The following HECW1 variants were observed in gnomAD, a reference collection of about 807,000 sequenced individuals.
The protein encoded by HECW1 is E3 ubiquitin-protein ligase HECW1.
Under a neutral mutation model 182.3 loss-of-function variants are expected in HECW1, and 61 were observed. The observed-to-expected ratio is 0.33, with a 90% CI of 0.27 to 0.41. HECW1 has a LOEUF of 0.41. HECW1 is among the 10% of genes least tolerant of loss of function. The pLI is 1.00. For synonymous variants in HECW1, 859 were observed against 832.6 expected (o/e 1.03, Z -0.55); for missense variants, 1,739 against 2,108.9 (o/e 0.82, Z 3.44).
At chr7:43,339,107 G>C (rs991534872) in intron 5 of HECW1, among the ~76,000 whole-genome samples, 1 of 152,042 alleles carries the variant, frequency 6.6e-6, no homozygotes, top group African/African-American at 2.4e-5. Flanking sequence ...CTTTGTCTTT[G>C]GATTTCATCA....
At chr7:43,330,801 G>GAAA (rs756438634) in intron 5 of HECW1, among the ~76,000 whole-genome samples, 10 of 152,092 alleles carry the variant, frequency 6.6e-5, no homozygotes, top group Admixed American at 1.3e-4. Context: ...TGTGTCCCAG[G>GAAA]AAAAAGCTCA....
intron 2 of HECW1, among the ~76,000 whole-genome samples, chr7:43,172,853 G>A (rs926003365): frequency 5.9e-5 from 9 of 152,162 alleles, no homozygotes; most frequent in African/African-American, 2.2e-4. Context: ...GTAGGAGCAG[G>A]CACACTTTTT....
At chr7:43,132,135 G>A (rs1439924990) in intron 2 of HECW1, among the ~76,000 whole-genome samples, 1 of 152,094 alleles carries the variant, frequency 6.6e-6, no homozygotes, top group East Asian at 1.9e-4. Flanking sequence ...TCTGTACTGG[G>A]ACTTTGCATC....
chr7:43,435,646 G>T (rs2076686087), intron 8 of HECW1, among the ~76,000 whole-genome samples: 1 of 152,082 alleles, frequency 6.6e-6, no homozygotes, highest in African/African-American at 2.4e-5. Flanking sequence ...TTTACAGGGG[G>T]AGCTCTTTTT....
At chr7:43,260,857 C>A (rs1276503288) in intron 3 of HECW1, among the ~76,000 whole-genome samples, 1 of 152,112 alleles carries the variant, frequency 6.6e-6, no homozygotes, top group Non-Finnish European at 1.5e-5. Context: ...TGAAAAGGAG[C>A]AAGAATTATT....
chr7:43,173,846 ATT>A lies in HECW1; in HGVS notation c.-32+59468_-32+59469del, dbSNP rs34302457. ...ACCCAGGTGCCTGTTGTTTTAAATG[ATT>A]TTTTTTTTTTTTGGAGACAGGGTAT... On this transcript the variant is annotated intron_variant, in intron 2 of 29. Coordinates refer to ENST00000395891, the MANE Select transcript of HECW1 (RefSeq NM_015052.5). Among the ~76,000 whole-genome samples, 767 of 145,350 alleles carry A rather than the reference ATT, an allele frequency of 5.3e-3. 5 individuals carry two copies. The highest frequency in any genetic ancestry group is 0.027 in the East Asian group (133 of 4,974).
chr7:43,145,562 T>G (rs544928041), intron 2 of HECW1, among the ~76,000 whole-genome samples: 28 of 152,350 alleles, frequency 1.8e-4, no homozygotes, highest in Middle Eastern at 3.4e-3. Context: ...CCTCCCAAAG[T>G]GCTGGGATTA....
intron 8 of HECW1, among the ~76,000 whole-genome samples, chr7:43,436,921 G>A (rs1354367384): frequency 1.3e-5 from 2 of 152,292 alleles, no homozygotes; most frequent in East Asian, 3.9e-4. Flanking sequence ...CTGGAGTCCA[G>A]TAGTGCAATC....
chr7:43,499,166 A>G (rs1021924261), intron 19 of HECW1, among the ~76,000 whole-genome samples: 1 of 152,054 alleles, frequency 6.6e-6, no homozygotes, highest in Non-Finnish European at 1.5e-5. Flanking sequence ...TTGTAGTCCC[A>G]GCTACATGGG....
At chr7:43,384,428 G>C (rs1562916242) in intron 6 of HECW1, among the ~76,000 whole-genome samples, 1 of 152,202 alleles carries the variant, frequency 6.6e-6, no homozygotes, top group Non-Finnish European at 1.5e-5. Context: ...CAAGATGGCG[G>C]TGTGCCTGGG....
intron 3 of HECW1, among the ~76,000 whole-genome samples, chr7:43,247,471 C>T (rs1385429901): frequency 6.6e-6 from 1 of 152,122 alleles, no homozygotes; most frequent in Non-Finnish European, 1.5e-5. Context: ...TGGTGAGACC[C>T]CATCTCTAAT....
chr7:43,507,340 T>A, intron 22 of HECW1, 83 bp downstream of exon 22: 1 of 1,357,898 alleles, frequency 7.4e-7, no homozygotes, highest in Non-Finnish European at 1.0e-6. Context: ...AATATTGTTT[T>A]TGAGACTGGC....
chr7:43,327,596 C>T (rs1810958674), intron 5 of HECW1, among the ~76,000 whole-genome samples: 1 of 152,158 alleles, frequency 6.6e-6, no homozygotes, highest in African/African-American at 2.4e-5. Flanking sequence ...GGTTATACCT[C>T]GTACTCATGT....
intron 2 of HECW1, chr7:43,238,944 C>G (rs1314888343): frequency 6.6e-6 from 1 of 152,052 alleles, no homozygotes; most frequent in African/African-American, 2.4e-5. Context: ...GACAATAACA[C>G]CATAATGTTA....
At chr7:43,160,599 A>T (rs1447280043) in intron 2 of HECW1, among the ~76,000 whole-genome samples, 1 of 152,140 alleles carries the variant, frequency 6.6e-6, no homozygotes, top group Admixed American at 6.5e-5. Flanking sequence ...TCAACGTATC[A>T]GTGTTTGTTT....
intron 5 of HECW1, among the ~76,000 whole-genome samples, chr7:43,359,597 C>A (rs1217306790): frequency 6.6e-6 from 1 of 152,000 alleles, no homozygotes; most frequent in African/African-American, 2.4e-5. Context: ...TTTAAAAAAG[C>A]AAAATGTATT....
chr7:43,378,718 A>C (rs1239083248), intron 6 of HECW1, among the ~76,000 whole-genome samples: 1 of 152,132 alleles, frequency 6.6e-6, no homozygotes, highest in Non-Finnish European at 1.5e-5. Flanking sequence ...AGGCATGAGA[A>C]TAGCTTGAAC....
chr7:43,163,762 G>A (rs1393808517), intron 2 of HECW1, among the ~76,000 whole-genome samples: 1 of 152,106 alleles, frequency 6.6e-6, no homozygotes, highest in Admixed American at 6.5e-5. Flanking sequence ...GTGGCTGCCA[G>A]GAACCCTCAC....
chr7:43,113,133 C>T (rs568626794), intron 1 of HECW1, among the ~76,000 whole-genome samples, 196 bp downstream of exon 1: 2 of 152,270 alleles, frequency 1.3e-5, no homozygotes, highest in African/African-American at 4.8e-5. Context: ...CGGTCCGGGC[C>T]GGCATCCCCG....
Sources: allele counts gnomAD v4.1 joint callset (sites outside exome capture counted in the v4.1 genomes callset), GRCh38; gene constraint gnomAD v4.1.1; transcripts MANE v1.5; gene names NCBI Gene and HGNC (gene_info 2026-07-23, HGNC 2026-07-21).